The following CSMD1 variants were observed in gnomAD, a reference collection of about 807,000 sequenced individuals.
CSMD1 encodes the protein CUB and Sushi multiple domains 1, also known as CUB and sushi domain-containing protein 1.
CSMD1 carries 213 observed loss-of-function variants against 417.5 expected under a neutral mutation model. That is an observed-to-expected ratio of 0.51 (90% confidence interval 0.46 to 0.57). The LOEUF (loss-of-function observed/expected upper bound fraction) is 0.57. Among genes scored for constraint, CSMD1 ranks in the 20% least tolerant of loss-of-function variants. The pLI, the probability that CSMD1 is intolerant of heterozygous loss-of-function variation, is 0.00. For missense variants in CSMD1, 6,923 were observed against 4,529.7 expected, an observed-to-expected ratio of 1.53 and a Z score of -15.17; for synonymous variants, 2,862 against 1,736.8, an observed-to-expected ratio of 1.65 and a Z score of -16.11.
intron 11 of CSMD1, among the ~76,000 whole-genome samples, chr8:3,480,822 T>TA (rs1817697546): frequency 6.6e-6 from 1 of 152,202 alleles, no homozygotes; most frequent in South Asian, 2.1e-4. Context: ...AAAGGGAACT[T>TA]AAAAAAATTA....
intron 2 of CSMD1, among the ~76,000 whole-genome samples, chr8:4,573,570 A>T (rs548553012): frequency 8.9e-4 from 136 of 152,140 alleles, no homozygotes; most frequent in Middle Eastern, 3.4e-3. Flanking sequence ...CCCTGCTGGG[A>T]GGTGTCTCCC....
chr8:4,943,491 G>A (rs907470798), intron 1 of CSMD1, among the ~76,000 whole-genome samples: 20 of 88,078 alleles, frequency 2.3e-4, no homozygotes, highest in Admixed American at 5.2e-4. Context: ...GTGAGACACC[G>A]TCTCAAAAAA....
At chr8:3,084,671 C>G (rs911779884) in intron 49 of CSMD1, among the ~76,000 whole-genome samples, 1 of 151,898 alleles carries the variant, frequency 6.6e-6, no homozygotes, top group Non-Finnish European at 1.5e-5. Flanking sequence ...TCACCTTTAA[C>G]AATTCTTTAA....
chr8:4,573,687 G>A (rs1368105961), intron 2 of CSMD1, among the ~76,000 whole-genome samples: 2 of 152,102 alleles, frequency 1.3e-5, no homozygotes, highest in Non-Finnish European at 2.9e-5. Context: ...GAGCCAGCAG[G>A]CAGAAAGAGT....
intron 22 of CSMD1, among the ~76,000 whole-genome samples, chr8:3,347,347 T>C (rs987405995): frequency 3.3e-5 from 5 of 152,194 alleles, no homozygotes; most frequent in African/African-American, 9.7e-5. Flanking sequence ...CTCTTAGAAG[T>C]TAAGGGCATT....
intron 3 of CSMD1, among the ~76,000 whole-genome samples, chr8:4,309,023 T>C (rs1190724925): frequency 6.6e-6 from 1 of 152,166 alleles, no homozygotes; most frequent in Non-Finnish European, 1.5e-5. Flanking sequence ...TAACAGCAAA[T>C]GATTATTGAT....
At chr8:3,148,873 T>C (rs1034300949) in intron 40 of CSMD1, among the ~76,000 whole-genome samples, 4 of 152,234 alleles carry the variant, frequency 2.6e-5, no homozygotes, top group Admixed American at 6.5e-5. Context: ...GCAAACCTGG[T>C]GCGTTACTCA....
chr8:4,985,433 C>G (rs776161769), intron 1 of CSMD1, among the ~76,000 whole-genome samples: 1 of 152,156 alleles, frequency 6.6e-6, no homozygotes. Context: ...TACAGTTATA[C>G]TGAACTGAGT....
intron 2 of CSMD1, among the ~76,000 whole-genome samples, chr8:4,573,610 C>G (rs1798993595): frequency 6.6e-6 from 1 of 152,098 alleles, no homozygotes; most frequent in Admixed American, 6.5e-5. Flanking sequence ...CAGGGTCCCA[C>G]TTGAGGGGGC....
intron 3 of CSMD1, among the ~76,000 whole-genome samples, chr8:4,412,521 T>G (rs567398032): frequency 1.3e-5 from 2 of 152,268 alleles, no homozygotes; most frequent in Admixed American, 6.5e-5. Flanking sequence ...TTACACCTAT[T>G]TTATCGGAAA....
intron 5 of CSMD1, among the ~76,000 whole-genome samples, chr8:3,937,267 AGACT>A (rs200196676): frequency 0.025 from 3,814 of 152,282 alleles, 146 homozygotes; most frequent in African/African-American, 0.087. Context: ...GGGTTAGAGA[AGACT>A]GACTGAATTT....
intron 49 of CSMD1, among the ~76,000 whole-genome samples, chr8:3,070,543 G>A (rs531106479): frequency 1.3e-5 from 2 of 152,266 alleles, no homozygotes; most frequent in African/African-American, 4.8e-5. Flanking sequence ...CTAGGGAAGG[G>A]GAAAGATGCA....
chr8:4,893,508 T>A (rs367947701), intron 1 of CSMD1, among the ~76,000 whole-genome samples: 3 of 152,184 alleles, frequency 2.0e-5, no homozygotes, highest in Non-Finnish European at 2.9e-5. Flanking sequence ...AAAATGCACA[T>A]TTTAATTTAC....
chr8:4,496,319 A>G (rs1801974581), intron 2 of CSMD1, among the ~76,000 whole-genome samples: 1 of 152,006 alleles, frequency 6.6e-6, no homozygotes, highest in Non-Finnish European at 1.5e-5. Context: ...GGATCAAAGG[A>G]CTCCTTAGGT....
intron 1 of CSMD1, among the ~76,000 whole-genome samples, chr8:4,879,070 T>A (rs10435674): frequency 0.97 from 147,920 of 152,094 alleles, 71,956 homozygotes; most frequent in East Asian, 1. Flanking sequence ...GACTTGATAT[T>A]GTAGACACTA....
intron 1 of CSMD1, among the ~76,000 whole-genome samples, chr8:4,702,092 A>G (rs572558028): frequency 6.6e-6 from 1 of 152,122 alleles, no homozygotes; most frequent in African/African-American, 2.4e-5. Context: ...GGAACAACAC[A>G]TACTGGAGCC....
At chr8:3,215,862 G>A (rs994883178) in intron 29 of CSMD1, among the ~76,000 whole-genome samples, 4 of 151,716 alleles carry the variant, frequency 2.6e-5, no homozygotes, top group Admixed American at 1.3e-4. Flanking sequence ...CTGATTAACT[G>A]TATTTATTCA....
chr8:4,438,070 CA>C (rs781380991), intron 2 of CSMD1, among the ~76,000 whole-genome samples: 1 of 152,296 alleles, frequency 6.6e-6, no homozygotes, highest in East Asian at 1.9e-4. Flanking sequence ...CCAATATTCA[CA>C]CTCAGCTTCT....
At chr8:3,946,400 T>A (rs76110258) in intron 5 of CSMD1, among the ~76,000 whole-genome samples, 2 of 152,256 alleles carry the variant, frequency 1.3e-5, no homozygotes, top group African/African-American at 4.8e-5. Context: ...GTCTATACCA[T>A]TGAGCAATCC....
Sources: gnomAD v4.1 joint callset for allele counts (sites outside exome capture counted in the v4.1 genomes callset) on GRCh38, gnomAD v4.1.1 for gene constraint, MANE v1.5 for transcripts, NCBI Gene and HGNC (gene_info 2026-07-23, HGNC 2026-07-21) for gene names.